The following CCNY variants were observed in gnomAD, a reference collection of about 807,000 sequenced individuals.
CCNY encodes cyclin Y.
A neutral mutation model predicts 42.8 loss-of-function variants in CCNY; 19 were observed. The ratio of observed to expected loss-of-function variants is 0.44; its 90% confidence interval spans 0.31 to 0.65. The LOEUF is 0.65. CCNY is among the 30% of genes least tolerant of loss of function. CCNY has a pLI of 0.07. For synonymous variants in CCNY, 165 were observed against 162.7 expected (o/e 1.01, Z -0.11); for missense variants, 370 against 437.3 (o/e 0.85, Z 1.37).
intron 3 of CCNY, among the ~76,000 whole-genome samples, chr10:35,295,475 G>T (rs1211471298): frequency 6.6e-6 from 1 of 151,828 alleles, no homozygotes. Flanking sequence ...CAGGTGATCC[G>T]CCCGTTTCTG....
At chr10:35,355,623 A>AGC (rs1836528405) in intron 1 of CCNY, among the ~76,000 whole-genome samples, 1 of 130,620 alleles carries the variant, frequency 7.7e-6, no homozygotes. Context: ...GGTTGCAGTG[A>AGC]GCCAATATTG....
intron 3 of CCNY, among the ~76,000 whole-genome samples, chr10:35,279,323 A>G (rs1835273837): frequency 6.6e-6 from 1 of 152,034 alleles, no homozygotes; most frequent in Non-Finnish European, 1.5e-5. Flanking sequence ...CATGTTGGCC[A>G]GTCTGGTCTT....
chr10:35,410,672 C>G (rs1837883992), intron 1 of CCNY, among the ~76,000 whole-genome samples: 1 of 152,184 alleles, frequency 6.6e-6, no homozygotes, highest in Non-Finnish European at 1.5e-5. Flanking sequence ...TAAAAGCAAG[C>G]TTAAGTTCAA....
intron 1 of CCNY, among the ~76,000 whole-genome samples, chr10:35,452,993 A>T (rs895564212): frequency 9.2e-5 from 14 of 152,206 alleles, no homozygotes; most frequent in African/African-American, 3.4e-4. Context: ...ATTTATTTTT[A>T]GAGATGGATC....
intron 4 of CCNY, among the ~76,000 whole-genome samples, chr10:35,520,640 T>C (rs1293831946): frequency 6.6e-6 from 1 of 152,210 alleles, no homozygotes; most frequent in Non-Finnish European, 1.5e-5. Context: ...ATAAACGTAT[T>C]TGCAAATTCT....
intron 1 of CCNY, chr10:35,455,524 G>C (rs1341239058): frequency 6.6e-6 from 1 of 152,232 alleles, no homozygotes; most frequent in Non-Finnish European, 1.5e-5. Context: ...ATGGCCTTGG[G>C]ACCTGGGGCA....
intron 1 of CCNY, among the ~76,000 whole-genome samples, chr10:35,361,337 A>G (rs1364540487): frequency 6.6e-6 from 1 of 152,244 alleles, no homozygotes; most frequent in Admixed American, 6.5e-5. Context: ...CAATCTTCTA[A>G]AACATGATTA....
chr10:35,536,728 A>G (rs7094987), intron 7 of CCNY, among the ~76,000 whole-genome samples: 42,761 of 151,946 alleles, frequency 0.28, 6,268 homozygotes, highest in East Asian at 0.35. Context: ...CTTGAGAGAG[A>G]TGATTTAGGG....
chr10:35,304,841 A>G (rs1000054865), intron 3 of CCNY, among the ~76,000 whole-genome samples: 2 of 152,174 alleles, frequency 1.3e-5, no homozygotes, highest in Non-Finnish European at 2.9e-5. Flanking sequence ...GAGAACCACT[A>G]GGGTGTTAGG....
Position 35,247,346 on chromosome 10 carries a change from C to T in CCNY, c.-217+216C>T, listed in dbSNP as rs150481385. The stretch of plus-strand genomic sequence containing the variant: ...CAGTGGCTCATGCATGTAATCCCAG[C>T]ACTTTGGGAGGCTGAGGTGGGAGAA... On this transcript the variant is annotated intron_variant, in intron 1 of 11. Transcript: ENST00000374706. Among the ~76,000 whole-genome samples, 464 of 152,248 alleles carry T rather than the reference C, an allele frequency of 3.0e-3. 3 individuals carry two copies. Among genetic ancestry groups the T allele is most frequent in the African/African-American group, 0.01 (428 of 41,538 alleles).
chr10:35,400,473 G>T (rs1486334997), intron 1 of CCNY, among the ~76,000 whole-genome samples: 1 of 152,098 alleles, frequency 6.6e-6, no homozygotes, highest in African/African-American at 2.4e-5. Context: ...GACTTGATTG[G>T]ATTACCCGAA....
chr10:35,565,005 C>T (rs1410728342), intron 8 of CCNY, among the ~76,000 whole-genome samples: 1 of 151,142 alleles, frequency 6.6e-6, no homozygotes, highest in Non-Finnish European at 1.5e-5. Context: ...GTGGGCACCC[C>T]TGGGGGCTTC....
At chr10:35,485,775 T>C (rs1017359112) in intron 2 of CCNY, among the ~76,000 whole-genome samples, 13 of 150,544 alleles carry the variant, frequency 8.6e-5, no homozygotes, top group Non-Finnish European at 1.8e-4. Flanking sequence ...GTAACTTTAA[T>C]GAATTCTTTA....
chr10:35,480,563 A>C (rs1290376825), intron 1 of CCNY, among the ~76,000 whole-genome samples: 2 of 152,064 alleles, frequency 1.3e-5, no homozygotes, highest in Admixed American at 6.6e-5. Flanking sequence ...ATTCAGGGAG[A>C]GCTTCAGGGC....
At chr10:35,406,570 C>T (rs551247703) in intron 1 of CCNY, among the ~76,000 whole-genome samples, 49 of 152,250 alleles carry the variant, frequency 3.2e-4, no homozygotes, top group Non-Finnish European at 6.3e-4. Flanking sequence ...CAACAGGATC[C>T]CAAGGCAGAA....
rs192552184 is a variant in CCNY at position 35,250,016 on chromosome 10, A to C, written c.-113-506A>C. ...GAGACCTTCCTGGCTAACATGGTGA[A>C]ACCCCGTCTCTACTAAAAATACAAA... On this transcript the variant is annotated intron_variant, in intron 2 of 11. Coordinates refer to the CCNY transcript ENST00000374706. Among the ~76,000 whole-genome samples the C allele has an allele frequency of 1.7e-3, 257 of 152,150 alleles. 6 individuals are homozygous for C. In the East Asian group the frequency reaches 0.045, roughly 27 times the overall value.
chr10:35,337,244 C>G, intron 1 of CCNY, 37 bp downstream of exon 1: 1 of 1,458,456 alleles, frequency 6.9e-7, no homozygotes, highest in Non-Finnish European at 9.1e-7. Context: ...CCCGCCCCCG[C>G]GGCAACAGTC....
intron 1 of CCNY, among the ~76,000 whole-genome samples, chr10:35,402,605 A>C (rs1837667999): frequency 6.6e-6 from 1 of 152,230 alleles, no homozygotes; most frequent in East Asian, 1.9e-4. Context: ...TTGTTTGTTA[A>C]AGAAGGATTA....
At chr10:35,563,902 GT>G (rs1246905050) in intron 8 of CCNY, among the ~76,000 whole-genome samples, 2 of 148,852 alleles carry the variant, frequency 1.3e-5, no homozygotes, top group African/African-American at 5.0e-5. Context: ...TTGAGACAGA[GT>G]TTCGCTCTTG....
Sources: gnomAD v4.1 joint callset for allele counts (sites outside exome capture counted in the v4.1 genomes callset) on GRCh38, gnomAD v4.1.1 for gene constraint, MANE v1.5 for transcripts, NCBI Gene and HGNC (gene_info 2026-07-23, HGNC 2026-07-21) for gene names.